The following MMP26 variants were observed in gnomAD, a reference collection of about 807,000 sequenced individuals.
MMP26 encodes matrix metallopeptidase 26, also known as matrix metalloproteinase-26.
Under a neutral mutation model 31.0 loss-of-function variants are expected in MMP26, and 33 were observed. That is an observed-to-expected ratio of 1.06 (90% CI 0.81 to 1.42). The LOEUF (loss-of-function observed/expected upper bound fraction) is 1.42, where lower values mean the gene tolerates loss of function less well. Ranked by LOEUF, MMP26 falls within the 40% of genes most tolerant of loss-of-function variation. MMP26 has a pLI of 0.00. For missense variants in MMP26, 347 were observed against 316.1 expected (o/e 1.10, Z -0.74); for synonymous variants, 122 against 114.9 (o/e 1.06, Z -0.40).
intron 1 of MMP26, among the ~76,000 whole-genome samples, chr11:4,744,744 A>G (rs1055266313): frequency 2.0e-5 from 3 of 152,148 alleles, no homozygotes; most frequent in Non-Finnish European, 4.4e-5. Flanking sequence ...TTTCTTCTTT[A>G]AAAAAATTTT....
At chr11:4,753,357 A>G (rs574666396) in intron 1 of MMP26, among the ~76,000 whole-genome samples, 176 of 152,290 alleles carry the variant, frequency 1.2e-3, no homozygotes, top group Middle Eastern at 3.4e-3. Context: ...TAATCCCTGA[A>G]CTAAGACATT....
intron 2 of MMP26, among the ~76,000 whole-genome samples, chr11:4,785,998 T>G (rs1167509258): frequency 6.6e-6 from 1 of 152,138 alleles, no homozygotes; most frequent in Non-Finnish European, 1.5e-5. Context: ...ATGCTTTATT[T>G]ATTTATTTTT....
intron 2 of MMP26, among the ~76,000 whole-genome samples, chr11:4,825,031 C>T (rs999598401): frequency 4.6e-5 from 7 of 152,036 alleles, no homozygotes; most frequent in Non-Finnish European, 1.0e-4. Context: ...TCTTTTCAGG[C>T]TTTGCTGAGA....
At chr11:4,857,986 C>A (rs1850081637) in intron 2 of MMP26, among the ~76,000 whole-genome samples, 1 of 152,166 alleles carries the variant, frequency 6.6e-6, no homozygotes, top group African/African-American at 2.4e-5. Context: ...ACATGATTAT[C>A]TCAATAGATG....
chr11:4,941,068 TA>T (rs10718521), intron 2 of MMP26, among the ~76,000 whole-genome samples: 126,870 of 152,150 alleles, frequency 0.83, 53,072 homozygotes, highest in Middle Eastern at 0.91. Flanking sequence ...AATGATTTTT[TA>T]ATATACATAG....
At chr11:4,825,043 C>T (rs1849561989) in intron 2 of MMP26, among the ~76,000 whole-genome samples, 1 of 151,966 alleles carries the variant, frequency 6.6e-6, no homozygotes, top group African/African-American at 2.4e-5. Context: ...TTGCTGAGAC[C>T]TGATTGGTTA....
intron 1 of MMP26, chr11:4,723,825 G>A: frequency 6.4e-7 from 1 of 1,557,240 alleles, no homozygotes; most frequent in South Asian, 1.1e-5. Context: ...CCAGCATCTT[G>A]TTATGCTGCT....
rs1554931059 is a variant in MMP26, at chr11:4,766,715, C to CCCTT, written c.-216-542_-216-539dup. Among the ~76,000 whole-genome samples, 183 of 113,954 alleles carry CCCTT rather than the reference C, an allele frequency of 1.6e-3. 5 individuals are homozygous for CCCTT. Among genetic ancestry groups the CCCTT allele is most frequent in the African/African-American group, 3.7e-3 (96 of 25,922 alleles). The allele number at this position is 113,954 out of a possible 152,430, so 74.8% of individuals were successfully genotyped here. On this transcript the variant is annotated intron_variant, in intron 1 of 7. Transcript: ENST00000380390. ...CCTTTCCCTCCCTCCCTCCCTCCCTCCCTTCCTTCCTTCCTTTTTTCATCC... is the reference window on the plus strand; with the variant it reads ...CCTTTCCCTCCCTCCCTCCCTCCCTCCCTTCCTTCCTTCCTTCCTTTTTTCATCC...
At chr11:4,918,157 A>G (rs192749374) in intron 2 of MMP26, among the ~76,000 whole-genome samples, 1 of 152,182 alleles carries the variant, frequency 6.6e-6, no homozygotes, top group Middle Eastern at 3.4e-3. Context: ...AGAGAATTTT[A>G]TAATATCCCT....
chr11:4,705,813 C>T (rs1441951281), intron 1 of MMP26, among the ~76,000 whole-genome samples: 1 of 152,008 alleles, frequency 6.6e-6, no homozygotes, highest in Non-Finnish European at 1.5e-5. Flanking sequence ...CATGGTGAAA[C>T]CCCATCTCTA....
chr11:4,802,078 G>A (rs1393635868), intron 2 of MMP26, among the ~76,000 whole-genome samples: 2 of 152,134 alleles, frequency 1.3e-5, no homozygotes, highest in African/African-American at 2.4e-5. Flanking sequence ...TTGGACATAA[G>A]GATTCTTCAT....
chr11:4,887,972 G>C (rs2133545523), intron 2 of MMP26, among the ~76,000 whole-genome samples: 1 of 152,152 alleles, frequency 6.6e-6, no homozygotes, highest in Middle Eastern at 3.4e-3. Flanking sequence ...ATCTAGTCAG[G>C]ATCAACTATC....
At chr11:4,968,098 T>A (rs1231477382) in intron 2 of MMP26, among the ~76,000 whole-genome samples, 1 of 152,076 alleles carries the variant, frequency 6.6e-6, no homozygotes, top group East Asian at 1.9e-4. Context: ...CCAATAAGAG[T>A]TAGCTTGACA....
At chr11:4,717,350 T>C (rs910746945) in intron 1 of MMP26, among the ~76,000 whole-genome samples, 4 of 152,182 alleles carry the variant, frequency 2.6e-5, no homozygotes, top group African/African-American at 4.8e-5. Context: ...ACATCCAAGA[T>C]AGATTGAGAC....
intron 2 of MMP26, chr11:4,943,960 T>G: frequency 2.4e-6 from 1 of 411,294 alleles, no homozygotes; most frequent in Non-Finnish European, 4.8e-6. Flanking sequence ...ACCTAATTAC[T>G]CCTCATCTTT....
At chr11:4,957,743 A>T (rs1846464039) in intron 2 of MMP26, among the ~76,000 whole-genome samples, 1 of 150,526 alleles carries the variant, frequency 6.6e-6, no homozygotes, top group Admixed American at 6.6e-5. Context: ...AGTGCAGTGG[A>T]TCTCGCCTCA....
At chr11:4,975,028 G>A (rs1339049236) in intron 2 of MMP26, among the ~76,000 whole-genome samples, 2 of 151,980 alleles carry the variant, frequency 1.3e-5, no homozygotes, top group African/African-American at 4.8e-5. Flanking sequence ...TAGGTGATGG[G>A]TTGATAGGTG....
intron 2 of MMP26, chr11:4,938,024 C>T (rs1351002972): frequency 6.6e-6 from 1 of 152,096 alleles, no homozygotes; most frequent in Non-Finnish European, 1.5e-5. Flanking sequence ...ATTTCATGGA[C>T]ATCAAATAGG....
chr11:4,884,941 A>T lies in MMP26; in HGVS notation c.-144-103127A>T, dbSNP rs78219796. Reference sequence around the variant, plus strand: ...AGATATATGGCTCTTTAAAGTATAAAATGTAATTGAATTCCAGAGGTTTTA... The same window carrying T: ...AGATATATGGCTCTTTAAAGTATAATATGTAATTGAATTCCAGAGGTTTTA... On this transcript the variant is annotated intron_variant, in intron 2 of 7. Coordinates refer to ENST00000380390, the MANE Select transcript of MMP26 (RefSeq NM_021801.5). Among the ~76,000 whole-genome samples the T allele has an allele frequency of 4.7e-4, 71 of 152,248 alleles. No homozygotes were observed. The East Asian group carries it at 0.011, about 24-fold the overall frequency.
Sources: allele counts gnomAD v4.1 joint callset (sites outside exome capture counted in the v4.1 genomes callset), GRCh38; gene constraint gnomAD v4.1.1; transcripts MANE v1.5; gene names NCBI Gene and HGNC (gene_info 2026-07-23, HGNC 2026-07-21).